Variants in YBEY observed in about 807,000 individuals in gnomAD.
YBEY encodes the protein endoribonuclease YbeY.
YBEY carries 15 observed loss-of-function variants against 13.5 expected under a neutral mutation model. The observed-to-expected ratio is 1.11, with a 90% CI of 0.75 to 1.72. YBEY has a LOEUF of 1.72. Ranked by LOEUF, YBEY falls within the 40% of genes most tolerant of loss-of-function variation. The pLI, the probability that YBEY is intolerant of heterozygous loss-of-function variation, is 0.00. For missense variants in YBEY, 244 were observed against 208.4 expected (o/e 1.17, Z -1.05); for synonymous variants, 101 against 83.1 (o/e 1.21, Z -1.17).
At chr21:46,303,730 T>TAGA in the YBEY span, among the ~76,000 whole-genome samples, 1 of 28,732 alleles carries the variant, frequency 3.5e-5, no homozygotes, top group African/African-American at 1.7e-4. Flanking sequence ...TATATATATA[T>TAGA]ATATATATAT....
At chr21:46,289,838 C>T (rs199789742) in intron 2 of YBEY, among the ~76,000 whole-genome samples, 2 of 152,140 alleles carry the variant, frequency 1.3e-5, no homozygotes, top group African/African-American at 4.8e-5. Flanking sequence ...GATTAATGTC[C>T]GTCCAAGGTT....
chr21:46,294,705 A>G (rs2081889867), intron 3 of YBEY, among the ~76,000 whole-genome samples: 1 of 152,074 alleles, frequency 6.6e-6, no homozygotes, highest in Non-Finnish European at 1.5e-5. Flanking sequence ...CAGCCACCCC[A>G]GACCTCTCTC....
At chr21:46,291,774 G>A (rs779903243) in intron 3 of YBEY, 36 of 1,097,992 alleles carry the variant, frequency 3.3e-5, no homozygotes, top group Non-Finnish European at 3.8e-5. Context: ...TTCTTTCTGA[G>A]CTGCCAGAAG....
chr21:46,302,145 G>A, downstream of YBEY: 2 of 1,495,172 alleles, frequency 1.3e-6, no homozygotes, highest in African/African-American at 1.4e-5. Flanking sequence ...GGGGGCACAT[G>A]TGGCGGGTCC....
At chr21:46,310,583 C>T in the YBEY span, among the ~76,000 whole-genome samples, 5 of 150,996 alleles carry the variant, frequency 3.3e-5, no homozygotes, top group East Asian at 2.0e-4. Context: ...CTGAGGTGGG[C>T]GGATCACCTG....
the YBEY span, among the ~76,000 whole-genome samples, chr21:46,310,735 A>G: frequency 6.6e-6 from 1 of 151,846 alleles, no homozygotes; most frequent in Non-Finnish European, 1.5e-5. Flanking sequence ...GCTTGAACCC[A>G]GGAGGCAGAG....
At chr21:46,290,848 C>G (rs1018687601) in intron 2 of YBEY, among the ~76,000 whole-genome samples, 3 of 151,902 alleles carry the variant, frequency 2.0e-5, no homozygotes, top group African/African-American at 7.3e-5. Context: ...GAGTTTGAGA[C>G]CAGCCTGACC....
the YBEY span, among the ~76,000 whole-genome samples, chr21:46,308,872 G>A: frequency 6.6e-6 from 1 of 152,158 alleles, no homozygotes; most frequent in Non-Finnish European, 1.5e-5. Flanking sequence ...AGTGACCTGA[G>A]CTAGCCATCA....
the YBEY span, among the ~76,000 whole-genome samples, chr21:46,307,688 A>C: frequency 1.2e-4 from 18 of 152,340 alleles, no homozygotes; most frequent in African/African-American, 4.1e-4. Flanking sequence ...AATATATGAT[A>C]GAGCTACAGT....
chr21:46,302,587 G>A (rs1482004219), downstream of YBEY: 1 of 1,602,552 alleles, frequency 6.2e-7, no homozygotes, highest in Non-Finnish European at 8.5e-7. Flanking sequence ...CTGCAGGGAA[G>A]AAGCAGGGGG....
the YBEY span, among the ~76,000 whole-genome samples, chr21:46,312,312 G>A: frequency 6.6e-6 from 1 of 151,970 alleles, no homozygotes; most frequent in Non-Finnish European, 1.5e-5. Flanking sequence ...ACCAACACTT[G>A]GTATGGTGTT....
chr21:46,297,192 G>C (rs558210324), intron 4 of YBEY, among the ~76,000 whole-genome samples: 16 of 150,900 alleles, frequency 1.1e-4, no homozygotes, highest in African/African-American at 3.4e-4. Context: ...CCAGCTACAG[G>C]GGAGGCTGAG....
At chr21:46,304,180 C>T in the YBEY span, among the ~76,000 whole-genome samples, 3 of 150,754 alleles carry the variant, frequency 2.0e-5, no homozygotes, top group African/African-American at 7.3e-5. Flanking sequence ...GCACCCGCCA[C>T]CACGCCCGGC....
chr21:46,291,379 T>C lies in YBEY; in HGVS notation c.256T>C (p.Tyr86His). The C allele has an allele frequency of 6.2e-7, 1 of 1,614,126 alleles. No homozygotes were observed. The highest frequency in any genetic ancestry group is 8.5e-7 in the Non-Finnish European group (1 of 1,180,012). Residue 86 changes from tyrosine to histidine, a missense_variant, in exon 3 of 5, where the codon TAC (tyrosine) becomes CAC (histidine). Coordinates refer to ENST00000397701, the MANE Select transcript of YBEY (RefSeq NM_001314025.2). The part of the protein sequence containing the change: ...EFPQPDFPDD[Y>H]NLGDIFLGVE... ...TCCCCAGCCTGATTTTCCAGATGAC[T>C]ACAATTTGGGAGACATTTTCCTAGG... is the stretch of plus-strand genomic sequence containing the variant.
intron 3 of YBEY, chr21:46,291,877 C>G (rs1705309905): frequency 2.0e-6 from 2 of 1,006,308 alleles, no homozygotes; most frequent in African/African-American, 1.7e-5. Flanking sequence ...CAGACAAAAC[C>G]AATTCACTGC....
At chr21:46,298,726 G>T (rs1180582036), downstream of YBEY, among the ~76,000 whole-genome samples, 1 of 149,180 alleles carries the variant, frequency 6.7e-6, no homozygotes, top group Non-Finnish European at 1.5e-5. Context: ...ACCACGCCCG[G>T]CCTGTTTTGT....
At chr21:46,313,144 C>T in the YBEY span, 11 of 786,332 alleles carry the variant, frequency 1.4e-5, no homozygotes, top group African/African-American at 1.9e-5. Flanking sequence ...CTTGAGTTGG[C>T]CATTGCAGCA....
At chr21:46,291,216 A>AAT in intron 2 of YBEY, 118 bp from the exon 3 acceptor site, 3 of 915,276 alleles carry the variant, frequency 3.3e-6, no homozygotes, top group Non-Finnish European at 4.3e-6. Context: ...AAAAAAAAAA[A>AAT]GTGATTTGGC....
intron 3 of YBEY, among the ~76,000 whole-genome samples, chr21:46,293,198 C>G: frequency 1.1e-5 from 1 of 90,190 alleles, no homozygotes; most frequent in Non-Finnish European, 2.5e-5. Context: ...TGACCCGTGC[C>G]CGGGACTCAG....
Sources: allele counts gnomAD v4.1 joint callset (sites outside exome capture counted in the v4.1 genomes callset), GRCh38; gene constraint gnomAD v4.1.1; transcripts MANE v1.5; gene names NCBI Gene and HGNC (gene_info 2026-07-23, HGNC 2026-07-21).